BCAS1: variants seen among roughly 807,000 people sequenced by gnomAD.
BCAS1 encodes breast carcinoma-amplified sequence 1.
Under a neutral mutation model 65.4 loss-of-function variants are expected in BCAS1, and 46 were observed. That is an observed-to-expected ratio of 0.70 (90% CI 0.55 to 0.90). The LOEUF is 0.90. Among genes scored for constraint, BCAS1 ranks in the 40% least tolerant of loss-of-function variants. The pLI, the probability that BCAS1 is intolerant of heterozygous loss-of-function variation, is 0.00. For synonymous variants in BCAS1, 298 were observed against 293.5 expected (o/e 1.02, Z -0.16); for missense variants, 793 against 771.2 (o/e 1.03, Z -0.33).
intron 1 of BCAS1, among the ~76,000 whole-genome samples, chr20:54,064,975 C>T (rs1449626501): frequency 1.3e-5 from 2 of 152,152 alleles, no homozygotes; most frequent in East Asian, 3.9e-4. Flanking sequence ...ATCGTGGTAC[C>T]GTGCGAAGGG....
At chr20:53,973,815 AG>A (rs1345449438) in intron 9 of BCAS1, among the ~76,000 whole-genome samples, 2 of 152,186 alleles carry the variant, frequency 1.3e-5, no homozygotes, top group Non-Finnish European at 2.9e-5. Flanking sequence ...GAAGGAAGGA[AG>A]GAGGAAGGAA....
At chr20:53,947,828 C>A (rs1224429247) in intron 12 of BCAS1, among the ~76,000 whole-genome samples, 1 of 152,216 alleles carries the variant, frequency 6.6e-6, no homozygotes, top group Non-Finnish European at 1.5e-5. Flanking sequence ...CATCTCTGCA[C>A]CTTTACAACC....
rs748722521 is a variant in BCAS1 at position 54,063,237 on chromosome 20, TC to T, written c.-5-4515del. On this transcript the variant is annotated intron_variant, in intron 1 of 12. Coordinates refer to ENST00000688948, the MANE Select transcript of BCAS1 (RefSeq NM_001366298.2). ...CTCTGGAGTTTGGAATCCCTGAGCA[TC>T]ACTGAGCCTCGCTGGGCCTCAGTTT... Among the ~76,000 whole-genome samples, 3 of 152,206 alleles carry T rather than the reference TC, an allele frequency of 2.0e-5. No individual in the cohort carries two copies. In the South Asian group the frequency reaches 6.2e-4, roughly 32 times the overall value.
chr20:53,955,850 A>T (rs567457900), intron 11 of BCAS1, among the ~76,000 whole-genome samples: 99 of 152,372 alleles, frequency 6.5e-4, no homozygotes, highest in African/African-American at 2.1e-3. Flanking sequence ...CACCAAGATT[A>T]TTGGCATAAT....
At chr20:54,006,538 C>G (rs376541794) in intron 4 of BCAS1, among the ~76,000 whole-genome samples, 3 of 152,008 alleles carry the variant, frequency 2.0e-5, no homozygotes, top group African/African-American at 7.3e-5. Context: ...GGTGAAACCC[C>G]GCCTCTATTA....
intron 8 of BCAS1, among the ~76,000 whole-genome samples, chr20:53,982,391 G>A (rs1478465057): frequency 6.6e-6 from 1 of 152,062 alleles, no homozygotes; most frequent in East Asian, 1.9e-4. Flanking sequence ...TTTCCTTAAA[G>A]GTATTTTTTT....
At chr20:53,998,756 C>G (rs1157642254) in intron 4 of BCAS1, among the ~76,000 whole-genome samples, 1 of 152,114 alleles carries the variant, frequency 6.6e-6, no homozygotes, top group East Asian at 1.9e-4. Context: ...ATAATTTGAA[C>G]AAGGTCGCTT....
chr20:54,045,280 A>G (rs2092082414), intron 3 of BCAS1, among the ~76,000 whole-genome samples: 1 of 152,140 alleles, frequency 6.6e-6, no homozygotes, highest in Admixed American at 6.6e-5. Context: ...GAAAAATAAG[A>G]AAAAAACTGA....
chr20:54,048,652 G>C (rs1338423529), intron 3 of BCAS1, among the ~76,000 whole-genome samples: 1 of 152,224 alleles, frequency 6.6e-6, no homozygotes, highest in Non-Finnish European at 1.5e-5. Context: ...TGATGAGGCT[G>C]TCAGACTGCT....
intron 9 of BCAS1, among the ~76,000 whole-genome samples, chr20:53,969,202 A>C (rs78671222): frequency 0.018 from 2,727 of 152,110 alleles, 39 homozygotes; most frequent in Middle Eastern, 0.041. Context: ...TTGCATACAC[A>C]TCAGAAAGTT....
chr20:53,945,486 T>G (rs2089285403), intron 12 of BCAS1, among the ~76,000 whole-genome samples: 1 of 152,174 alleles, frequency 6.6e-6, no homozygotes, highest in Non-Finnish European at 1.5e-5. Flanking sequence ...ATGTGCCATG[T>G]TGGTGTGCTG....
chr20:54,039,892 A>G lies in BCAS1; in HGVS notation c.143-10920T>C, dbSNP rs2091961281. Among the ~76,000 whole-genome samples, 2 of 151,328 alleles carry G rather than the reference A, an allele frequency of 1.3e-5. 1 individual carries two copies. Among genetic ancestry groups the G allele is most frequent in the Non-Finnish European group, 3.0e-5 (2 of 67,624 alleles). On this transcript the variant is annotated intron_variant, in intron 3 of 12. Coordinates refer to ENST00000688948, the MANE Select transcript of BCAS1 (RefSeq NM_001366298.2). ...GCATCCCAGATACACATATACAGGG[A>G]CTGTATCTGTCCTTGTTGTTTTTAT...
chr20:54,018,320 C>T (rs1175897055), intron 4 of BCAS1, among the ~76,000 whole-genome samples: 2 of 152,170 alleles, frequency 1.3e-5, no homozygotes, highest in Non-Finnish European at 2.9e-5. Flanking sequence ...CACTGTTCTA[C>T]CTGCTGGGGA....
intron 9 of BCAS1, among the ~76,000 whole-genome samples, chr20:53,970,029 T>G (rs985938956): frequency 1.3e-5 from 2 of 152,208 alleles, no homozygotes; most frequent in African/African-American, 2.4e-5. Context: ...AAATAGCTCT[T>G]AAGTAGATAA....
chr20:53,992,301 G>A lies in BCAS1; in HGVS notation c.1062+211C>T, dbSNP rs1245310006. On this transcript the variant is annotated intron_variant, in intron 7 of 12. Transcript: ENST00000688948. ...AAGAATAGTTCCAGAACCCTGGTCCGCACTAGGAAGACACCTGTTTGAAAT... is the reference window on the plus strand; with the variant it reads ...AAGAATAGTTCCAGAACCCTGGTCCACACTAGGAAGACACCTGTTTGAAAT... 3.9e-5 allele frequency among the ~76,000 whole-genome samples: 6 copies of A among 152,262 alleles called. No individual in the cohort carries two copies. The South Asian group carries it at 8.3e-4, about 21-fold the overall frequency.
chr20:53,995,012 C>T lies in BCAS1; in HGVS notation c.927G>A (p.Thr309=), dbSNP rs973172107. The change falls in exon 6 of 13, where the codon ACG becomes ACA. Residue 309 remains threonine, a splice_region_variant and synonymous_variant. Coordinates refer to ENST00000688948, the MANE Select transcript of BCAS1 (RefSeq NM_001366298.2). ...KAETKKDPED[T]ASKAESVCDG... ...TACATACACACTTCCAACTACCTAC[C>T]GTGTCTTCTGGGTCCTTTTTTGTTT... 15 of 1,612,894 alleles carry T rather than the reference C, an allele frequency of 9.3e-6. No homozygotes were observed. The highest frequency in any genetic ancestry group is 1.6e-4 in the Middle Eastern group (1 of 6,078).
At chr20:54,009,109 G>A (rs1048263681) in intron 4 of BCAS1, among the ~76,000 whole-genome samples, 4 of 152,108 alleles carry the variant, frequency 2.6e-5, no homozygotes, top group Non-Finnish European at 5.9e-5. Context: ...CACTGTGCCC[G>A]GCCTCTGACA....
chr20:54,068,175 C>T (rs2092468202), intron 1 of BCAS1, among the ~76,000 whole-genome samples: 3 of 152,174 alleles, frequency 2.0e-5, no homozygotes, highest in African/African-American at 7.2e-5. Context: ...GGTCCAGGGG[C>T]AGGGGTGCCT....
intron 8 of BCAS1, 120 bp downstream of exon 8, chr20:53,985,167 A>G: frequency 2.0e-6 from 2 of 980,006 alleles, no homozygotes; most frequent in Non-Finnish European, 1.5e-6. Context: ...AAGCCGAGTC[A>G]TTTTGAAGAA....
Sources: allele counts gnomAD v4.1 joint callset (sites outside exome capture counted in the v4.1 genomes callset), GRCh38; gene constraint gnomAD v4.1.1; transcripts MANE v1.5; gene names NCBI Gene and HGNC (gene_info 2026-07-23, HGNC 2026-07-21).